NBAS: variants seen among roughly 807,000 people sequenced by gnomAD.
The protein encoded by NBAS is NAG/BC035112 fusion.
A neutral mutation model predicts 302.5 loss-of-function variants in NBAS; 219 were observed. The observed-to-expected ratio is 0.72, with a 90% CI of 0.65 to 0.81. The LOEUF (loss-of-function observed/expected upper bound fraction) is 0.81, where lower values mean the gene tolerates loss of function less well. Ranked by LOEUF, NBAS falls within the 30% of genes least tolerant of loss-of-function variation. The pLI is 0.00. For synonymous variants in NBAS, 1,118 were observed against 1,021.6 expected, an observed-to-expected ratio of 1.09 and a Z score of -1.80; for missense variants, 2,932 against 2,841.6, an observed-to-expected ratio of 1.03 and a Z score of -0.72.
chr2:14,921,233 A>C, the NBAS span, among the ~76,000 whole-genome samples: 4 of 152,192 alleles, frequency 2.6e-5, no homozygotes, highest in Non-Finnish European at 5.9e-5. Flanking sequence ...CAGTCAGAAC[A>C]CACACAACAT....
intron 11 of NBAS, among the ~76,000 whole-genome samples, chr2:15,492,348 T>C (rs6760297): frequency 0.62 from 94,242 of 152,116 alleles, 30,086 homozygotes; most frequent in Non-Finnish European, 0.68. Context: ...GAGTTATTAG[T>C]AGTAATTGGA....
At chr2:14,907,206 C>G in the NBAS span, among the ~76,000 whole-genome samples, 2 of 152,338 alleles carry the variant, frequency 1.3e-5, no homozygotes, top group South Asian at 4.1e-4. Context: ...CAGCCTCCTG[C>G]AATTGCAGTC....
chr2:15,382,465 AT>A (rs2148380907), intron 29 of NBAS, among the ~76,000 whole-genome samples: 1 of 152,362 alleles, frequency 6.6e-6, no homozygotes, highest in South Asian at 2.1e-4. Context: ...GAGGCAACTT[AT>A]GAGGAAGGAC....
chr2:14,805,853 C>T, the NBAS span, among the ~76,000 whole-genome samples: 1 of 152,136 alleles, frequency 6.6e-6, no homozygotes, highest in African/African-American at 2.4e-5. Flanking sequence ...ACTTTCAAGC[C>T]TTCATATTTG....
rs1396396580 is a variant in NBAS, at chr2:15,424,391, A to T, written c.2501T>A (p.Met834Lys). 9 of 1,614,038 alleles carry T rather than the reference A, an allele frequency of 5.6e-6. No individual in the cohort carries two copies. In the East Asian group the frequency reaches 6.7e-5, roughly 12 times the overall value. ...AACCTTCTCCACCGTAAGCTGGGTC[A>T]TCCTGAACCTTAGTAACTCAGGCTG... Reference protein sequence around the residue: ...AAQPELLRFRMTQLTVEKVMD... With the variant: ...AAQPELLRFRKTQLTVEKVMD... The change falls in exon 23 of 52, where the codon ATG becomes AAG. Residue 834 changes from methionine to lysine, a missense_variant. Physicochemically the swap from Met to Lys is moderately conservative, Grantham distance 95. Coordinates refer to ENST00000281513, the MANE Select transcript of NBAS (RefSeq NM_015909.4).
intron 22 of NBAS, among the ~76,000 whole-genome samples, chr2:15,425,250 C>T (rs548803921): frequency 4.6e-5 from 7 of 152,252 alleles, no homozygotes; most frequent in Non-Finnish European, 4.4e-5. Context: ...CTAAAGCAAG[C>T]TGGCAGTACA....
At chr2:15,133,619 T>C in the NBAS span, among the ~76,000 whole-genome samples, 87 of 152,226 alleles carry the variant, frequency 5.7e-4, 1 homozygote, top group Middle Eastern at 6.8e-3. Flanking sequence ...GGCAGTTGTG[T>C]TTGACTTCTT....
At chr2:15,465,305 G>T (rs1431849682) in intron 19 of NBAS, among the ~76,000 whole-genome samples, 1 of 152,116 alleles carries the variant, frequency 6.6e-6, no homozygotes, top group African/African-American at 2.4e-5. Context: ...TGCCTTTTGT[G>T]AAAGGCCAGC....
chr2:15,204,801 T>A (rs1056180206), intron 48 of NBAS, among the ~76,000 whole-genome samples: 1 of 152,050 alleles, frequency 6.6e-6, no homozygotes, highest in Non-Finnish European at 1.5e-5. Flanking sequence ...TAGGTGGGAA[T>A]TGAACAATGA....
At chr2:15,095,967 C>G in the NBAS span, among the ~76,000 whole-genome samples, 1 of 152,210 alleles carries the variant, frequency 6.6e-6, no homozygotes. Flanking sequence ...TGCCCAGCTT[C>G]CCTGGTGCCA....
chr2:14,848,387 A>G, the NBAS span, among the ~76,000 whole-genome samples: 3 of 140,078 alleles, frequency 2.1e-5, no homozygotes. Context: ...AAAACGGCGC[A>G]CCACGAGACT....
chr2:15,166,911 G>A, downstream of NBAS: 1 of 1,176,628 alleles, frequency 8.5e-7, no homozygotes, highest in South Asian at 2.1e-5. Context: ...GCGGCAGCTT[G>A]CTCATCGTTT....
At chr2:14,888,460 T>C in the NBAS span, among the ~76,000 whole-genome samples, 1 of 152,008 alleles carries the variant, frequency 6.6e-6, no homozygotes. Context: ...CCCCCCTTTT[T>C]TTTTTATTGA....
the NBAS span, among the ~76,000 whole-genome samples, chr2:14,946,178 A>G: frequency 6.6e-5 from 10 of 152,226 alleles, no homozygotes; most frequent in Non-Finnish European, 1.3e-4. Flanking sequence ...GGATAATAAC[A>G]GAAAACTTTC....
intron 26 of NBAS, chr2:15,397,386 A>G (rs1045610829): frequency 1.0e-5 from 3 of 290,356 alleles, no homozygotes; most frequent in South Asian, 5.4e-5. Flanking sequence ...TTTCCATTGT[A>G]TTTTTCTCCA....
At position 15,190,389 on chromosome 2, in the gene NBAS, G is replaced by A; in HGVS notation, c.6447C>T (p.Asp2149=). 1.2e-6 allele frequency: 2 copies of A among 1,613,906 alleles called. No homozygotes were observed. The highest frequency in any genetic ancestry group is 1.7e-6 in the Non-Finnish European group (2 of 1,179,872). ...SWPQRQVDIA[D]IENEENRYCL... ...AGTAGCGGTTCTCTTCATTCTCAAT[G>A]TCAGCTATGTCTACCTGGAAGAAGA... The change falls in exon 49 of 52, where the codon GAC becomes GAT. Residue 2149 remains aspartate, a synonymous_variant. Coordinates refer to ENST00000281513, the MANE Select transcript of NBAS (RefSeq NM_015909.4).
At chr2:15,148,224 T>C in the NBAS span, among the ~76,000 whole-genome samples, 1 of 152,310 alleles carries the variant, frequency 6.6e-6, no homozygotes, top group Non-Finnish European at 1.5e-5. Flanking sequence ...TAAACTCTTA[T>C]TGCACAGTGT....
chr2:15,306,763 CTTT>C (rs201533077), intron 40 of NBAS, among the ~76,000 whole-genome samples: 11 of 132,558 alleles, frequency 8.3e-5, no homozygotes, highest in Admixed American at 1.5e-4. Flanking sequence ...TTGTGGAAAT[CTTT>C]TTTTTTTTTT....
the NBAS span, among the ~76,000 whole-genome samples, chr2:15,147,921 G>A: frequency 6.6e-6 from 1 of 151,232 alleles, no homozygotes; most frequent in African/African-American, 2.5e-5. Flanking sequence ...AGGGCCTGAA[G>A]ATAGGCTAAA....
Sources: allele counts gnomAD v4.1 joint callset (sites outside exome capture counted in the v4.1 genomes callset), GRCh38; gene constraint gnomAD v4.1.1; transcripts MANE v1.5; gene names NCBI Gene and HGNC (gene_info 2026-07-23, HGNC 2026-07-21).